Variants in AGBL1 observed in about 807,000 individuals in gnomAD.
AGBL1 encodes cytosolic carboxypeptidase 4.
Under a neutral mutation model 118.9 loss-of-function variants are expected in AGBL1, and 130 were observed. The ratio of observed to expected loss-of-function variants is 1.09; its 90% confidence interval spans 0.95 to 1.26. The LOEUF (loss-of-function observed/expected upper bound fraction) is 1.26. AGBL1 is among the 50% of genes most tolerant of loss of function. The probability of loss-of-function intolerance (pLI) is 0.00; values close to 1 mark genes in which losing one functional copy is unlikely to be tolerated. For missense variants in AGBL1, 1,584 were observed against 1,298.1 expected, an observed-to-expected ratio of 1.22 and a Z score of -3.38; for synonymous variants, 555 against 478.9, an observed-to-expected ratio of 1.16 and a Z score of -2.08.
At chr15:86,604,540 T>C (rs2084544023) in intron 21 of AGBL1, among the ~76,000 whole-genome samples, 1 of 152,214 alleles carries the variant, frequency 6.6e-6, no homozygotes, top group Non-Finnish European at 1.5e-5. Flanking sequence ...AACTAGCTTG[T>C]GGATCACCAC....
chr15:86,191,889 A>AT (rs781570834), intron 5 of AGBL1, among the ~76,000 whole-genome samples: 3 of 150,898 alleles, frequency 2.0e-5, no homozygotes, highest in Non-Finnish European at 3.0e-5. Context: ...CCTGGGCAAC[A>AT]TAGACCCTGT....
chr15:86,640,914 T>A (rs2085179021), intron 21 of AGBL1, among the ~76,000 whole-genome samples: 1 of 152,154 alleles, frequency 6.6e-6, no homozygotes, highest in African/African-American at 2.4e-5. Flanking sequence ...TCTGATTATT[T>A]GATACAAAAA....
chr15:86,528,095 G>C lies in AGBL1; in HGVS notation c.2685+5156G>C, dbSNP rs187984084. Among the ~76,000 whole-genome samples the C allele has an allele frequency of 5.3e-5, 8 of 152,212 alleles. No homozygotes were observed. The East Asian group carries it at 1.4e-3, about 26-fold the overall frequency. On this transcript the variant is annotated intron_variant, in intron 19 of 22. Coordinates refer to ENST00000614907, the MANE Select transcript of AGBL1 (RefSeq NM_001386094.1). ...TTTTATTTAAGATTGTCCTTTTCTG[G>C]GGGGAGGAGCCAAGATGGCCGAATA...
intron 18 of AGBL1, among the ~76,000 whole-genome samples, chr15:86,466,135 T>C (rs1237110881): frequency 6.6e-6 from 1 of 152,248 alleles, no homozygotes; most frequent in Non-Finnish European, 1.5e-5. Flanking sequence ...TGGGGGCTGG[T>C]TCCCCCGATA....
At chr15:86,116,937 C>T (rs1413089070) in intron 1 of AGBL1, among the ~76,000 whole-genome samples, 1 of 149,732 alleles carries the variant, frequency 6.7e-6, no homozygotes, top group Non-Finnish European at 1.5e-5. Context: ...TCAGAAACAC[C>T]TTTCTTTTCT....
chr15:86,307,264 GT>G (rs1441581624), intron 17 of AGBL1, among the ~76,000 whole-genome samples: 1 of 152,016 alleles, frequency 6.6e-6, no homozygotes, highest in Non-Finnish European at 1.5e-5. Flanking sequence ...TGTCTATTAT[GT>G]TAGATGATTT....
intron 5 of AGBL1, among the ~76,000 whole-genome samples, chr15:86,162,020 TTGCC>T (rs1217232252): frequency 2.6e-5 from 4 of 152,230 alleles, no homozygotes; most frequent in Non-Finnish European, 5.9e-5. Flanking sequence ...GGATGTCTGG[TTGCC>T]TGCTGCAGAT....
At chr15:86,303,732 T>C (rs554264519) in intron 17 of AGBL1, among the ~76,000 whole-genome samples, 1 of 152,314 alleles carries the variant, frequency 6.6e-6, no homozygotes, top group East Asian at 1.9e-4. Context: ...AAACATGTAA[T>C]ATATTTCATC....
At chr15:86,158,343 G>C (rs2077220821) in intron 4 of AGBL1, among the ~76,000 whole-genome samples, 1 of 152,116 alleles carries the variant, frequency 6.6e-6, no homozygotes, top group African/African-American at 2.4e-5. Context: ...AAGACCTCTT[G>C]TTCCCACTCA....
chr15:86,219,828 A>T (rs2078250282), intron 5 of AGBL1, among the ~76,000 whole-genome samples: 1 of 152,170 alleles, frequency 6.6e-6, no homozygotes, highest in Non-Finnish European at 1.5e-5. Flanking sequence ...AAAGATAAAA[A>T]TATTGCACAG....
At chr15:86,567,958 A>G (rs1011371878) in intron 21 of AGBL1, among the ~76,000 whole-genome samples, 8 of 152,086 alleles carry the variant, frequency 5.3e-5, no homozygotes, top group Non-Finnish European at 1.0e-4. Context: ...GATGGTTTTG[A>G]GACAAGTTTT....
At chr15:86,831,692 A>G (rs929156923) in intron 22 of AGBL1, among the ~76,000 whole-genome samples, 54 of 152,128 alleles carry the variant, frequency 3.5e-4, no homozygotes, top group African/African-American at 1.3e-3. Context: ...GCTTTCATGG[A>G]CTGGCATTGA....
chr15:86,777,857 G>A (rs2078280795), intron 22 of AGBL1, among the ~76,000 whole-genome samples: 1 of 152,040 alleles, frequency 6.6e-6, no homozygotes, highest in South Asian at 2.1e-4. Context: ...TTACAGAGGG[G>A]TCATAATCAA....
chr15:86,807,741 T>C (rs2078737826), intron 22 of AGBL1, among the ~76,000 whole-genome samples: 2 of 152,128 alleles, frequency 1.3e-5, no homozygotes, highest in Non-Finnish European at 1.5e-5. Flanking sequence ...ACTCTGAATA[T>C]ATGACTTGGC....
At chr15:86,817,022 C>T (rs1567187978) in intron 22 of AGBL1, among the ~76,000 whole-genome samples, 1 of 151,998 alleles carries the variant, frequency 6.6e-6, no homozygotes, top group Non-Finnish European at 1.5e-5. Context: ...ACCTCTTAAG[C>T]CTAAAACAAG....
chr15:86,452,345 A>G (rs1203838532), intron 18 of AGBL1, among the ~76,000 whole-genome samples: 1 of 152,194 alleles, frequency 6.6e-6, no homozygotes. Context: ...CACTTGTCTC[A>G]GAAAAATTGT....
intron 17 of AGBL1, among the ~76,000 whole-genome samples, chr15:86,342,331 A>G (rs2080473402): frequency 1.3e-5 from 2 of 152,168 alleles, no homozygotes; most frequent in South Asian, 4.1e-4. Context: ...GAAATATTGT[A>G]CACTGTGTGA....
intron 23 of AGBL1, among the ~76,000 whole-genome samples, chr15:86,954,102 A>G (rs1286895432): frequency 2.6e-5 from 4 of 152,176 alleles, no homozygotes; most frequent in Non-Finnish European, 4.4e-5. Flanking sequence ...AAAAGTCAAA[A>G]TAATAATAAT....
chr15:86,353,050 C>T (rs185170460), intron 17 of AGBL1, among the ~76,000 whole-genome samples: 27 of 152,244 alleles, frequency 1.8e-4, no homozygotes, highest in Non-Finnish European at 1.9e-4. Context: ...TATAAAGCAT[C>T]TGTTGCAGTA....
Sources: allele counts gnomAD v4.1 joint callset (sites outside exome capture counted in the v4.1 genomes callset), GRCh38; gene constraint gnomAD v4.1.1; transcripts MANE v1.5; gene names NCBI Gene and HGNC (gene_info 2026-07-23, HGNC 2026-07-21).